The following GALNT17 variants were observed in gnomAD, a reference collection of about 807,000 sequenced individuals.
The protein encoded by GALNT17 is polypeptide N-acetylgalactosaminyltransferase 17, also known as UDP-GalNAc:polypeptide N-acetylgalactosaminyltransferase-like 3.
GALNT17 carries 29 observed loss-of-function variants against 63.7 expected under a neutral mutation model. The observed-to-expected ratio is 0.46, with a 90% CI of 0.34 to 0.62. The LOEUF (loss-of-function observed/expected upper bound fraction) is 0.62. GALNT17 is among the 20% of genes least tolerant of loss of function. The pLI is 0.01. For missense variants in GALNT17, 603 were observed against 799.6 expected, an observed-to-expected ratio of 0.75 and a Z score of 2.97; for synonymous variants, 305 against 318.3, an observed-to-expected ratio of 0.96 and a Z score of 0.45.
intron 5 of GALNT17, among the ~76,000 whole-genome samples, chr7:71,473,000 T>C (rs1270855800): frequency 6.6e-6 from 1 of 152,152 alleles, no homozygotes; most frequent in Non-Finnish European, 1.5e-5. Context: ...GAGACAAGAA[T>C]TGTAGGTAAA....
chr7:71,182,190 ATAAG>A (rs1045028172), intron 1 of GALNT17, among the ~76,000 whole-genome samples: 1 of 152,084 alleles, frequency 6.6e-6, no homozygotes, highest in African/African-American at 2.4e-5. Flanking sequence ...AAATAAATAA[ATAAG>A]AGAGAGAATC....
At chr7:71,585,629 G>GTT (rs202184176) in intron 6 of GALNT17, among the ~76,000 whole-genome samples, 7 of 150,556 alleles carry the variant, frequency 4.6e-5, no homozygotes, top group Admixed American at 1.3e-4. Flanking sequence ...GGACTCAAGG[G>GTT]TTTTTTTTTA....
chr7:71,199,589 A>ATC (rs1789125491), intron 1 of GALNT17, among the ~76,000 whole-genome samples: 1 of 144,356 alleles, frequency 6.9e-6, no homozygotes, highest in Non-Finnish European at 1.5e-5. Flanking sequence ...CTGCTCATTA[A>ATC]TCCATTCATC....
At chr7:71,589,728 T>G (rs938687200) in intron 6 of GALNT17, among the ~76,000 whole-genome samples, 1 of 152,234 alleles carries the variant, frequency 6.6e-6, no homozygotes, top group African/African-American at 2.4e-5. Flanking sequence ...ATGATAATAC[T>G]GGGATTGACA....
chr7:71,583,132 A>AT (rs1371759546), intron 6 of GALNT17, among the ~76,000 whole-genome samples: 1 of 152,018 alleles, frequency 6.6e-6, no homozygotes, highest in Non-Finnish European at 1.5e-5. Flanking sequence ...GGGTTTCTGA[A>AT]TTTCTCAACT....
chr7:71,250,038 ATAAAT>A (rs1189996035), intron 1 of GALNT17, among the ~76,000 whole-genome samples: 1 of 152,228 alleles, frequency 6.6e-6, no homozygotes, highest in African/African-American at 2.4e-5. Context: ...ATGAGTTTTT[ATAAAT>A]TAAATTATAG....
intron 6 of GALNT17, among the ~76,000 whole-genome samples, chr7:71,577,563 A>C (rs932806342): frequency 1.3e-5 from 2 of 152,114 alleles, no homozygotes; most frequent in African/African-American, 4.8e-5. Flanking sequence ...TCCATGGTTC[A>C]GCCCCTGCAG....
chr7:71,322,618 C>T (rs1791637712), intron 1 of GALNT17, among the ~76,000 whole-genome samples: 1 of 152,048 alleles, frequency 6.6e-6, no homozygotes, highest in African/African-American at 2.4e-5. Flanking sequence ...GTTTTGTCCC[C>T]CGCTGAAATT....
intron 1 of GALNT17, among the ~76,000 whole-genome samples, chr7:71,205,152 C>CTTTTTT (rs759200277): frequency 7.0e-5 from 8 of 115,032 alleles, no homozygotes; most frequent in African/African-American, 1.4e-4. Context: ...TTACTTTTTA[C>CTTTTTT]TTTTTTTTTT....
chr7:71,639,538 G>A (rs113744461), intron 6 of GALNT17, among the ~76,000 whole-genome samples: 3 of 152,282 alleles, frequency 2.0e-5, no homozygotes, highest in African/African-American at 7.2e-5. Context: ...GGGCTGTGGG[G>A]AGGGCTCGCC....
intron 5 of GALNT17, among the ~76,000 whole-genome samples, chr7:71,540,092 C>CATTTTTTT (rs1202520298): frequency 4.2e-4 from 25 of 59,952 alleles, no homozygotes; most frequent in Non-Finnish European, 6.3e-4. Flanking sequence ...CTGTGCCTGG[C>CATTTTTTT]CTTTTTTTTT....
At chr7:71,685,946 C>CAATTT (rs1791349582) in intron 9 of GALNT17, among the ~76,000 whole-genome samples, 3 of 86,826 alleles carry the variant, frequency 3.5e-5, no homozygotes, top group Admixed American at 1.4e-4. Flanking sequence ...AAGGCAATTA[C>CAATTT]TATTTTTTTT....
At chr7:71,415,533 T>C (rs1377381940) in intron 3 of GALNT17, among the ~76,000 whole-genome samples, 1 of 152,038 alleles carries the variant, frequency 6.6e-6, no homozygotes, top group Non-Finnish European at 1.5e-5. Flanking sequence ...GAAAAGCCCA[T>C]ATAGAATTTG....
chr7:71,391,686 C>T (rs1793054627), intron 3 of GALNT17, among the ~76,000 whole-genome samples: 1 of 152,032 alleles, frequency 6.6e-6, no homozygotes, highest in African/African-American at 2.4e-5. Context: ...GGGGTTTTGG[C>T]ATGTTGCTTA....
At chr7:71,662,507 C>T (rs1790924079) in intron 6 of GALNT17, among the ~76,000 whole-genome samples, 2 of 152,072 alleles carry the variant, frequency 1.3e-5, no homozygotes, top group Admixed American at 1.3e-4. Context: ...TTTTCATCAC[C>T]CTAAAAAGAA....
At chr7:71,162,081 T>TTCCTCCCTCCC (rs1788353607) in intron 1 of GALNT17, among the ~76,000 whole-genome samples, 1 of 59,400 alleles carries the variant, frequency 1.7e-5, no homozygotes, top group African/African-American at 9.8e-5. Context: ...TCCTTCCTTC[T>TTCCTCCCTCCC]TTCCTTCCTC....
chr7:71,324,264 T>C (rs1791666567), intron 1 of GALNT17, among the ~76,000 whole-genome samples: 1 of 152,152 alleles, frequency 6.6e-6, no homozygotes, highest in African/African-American at 2.4e-5. Context: ...AGGAGTTGCC[T>C]GCAATAACTC....
chr7:71,326,072 C>G (rs576878717), intron 1 of GALNT17, among the ~76,000 whole-genome samples: 1 of 152,174 alleles, frequency 6.6e-6, no homozygotes, highest in Non-Finnish European at 1.5e-5. Flanking sequence ...TCTAAATTTT[C>G]TAACGTCTGT....
At chr7:71,650,025 T>C (rs1285116111) in intron 6 of GALNT17, among the ~76,000 whole-genome samples, 1 of 152,212 alleles carries the variant, frequency 6.6e-6, no homozygotes, top group East Asian at 1.9e-4. Flanking sequence ...TGCAGTTTAG[T>C]GTGGCAGAGC....
Sources: allele counts gnomAD v4.1 joint callset (sites outside exome capture counted in the v4.1 genomes callset), GRCh38; gene constraint gnomAD v4.1.1; transcripts MANE v1.5; gene names NCBI Gene and HGNC (gene_info 2026-07-23, HGNC 2026-07-21).